The following PTDSS1 variants were observed in gnomAD, a reference collection of about 807,000 sequenced individuals.
The protein encoded by PTDSS1 is phosphatidylserine synthase 1, also known as PSS-1.
A neutral mutation model predicts 70.5 loss-of-function variants in PTDSS1; 45 were observed. The ratio of observed to expected loss-of-function variants is 0.64; its 90% CI spans 0.50 to 0.82. PTDSS1 has a LOEUF of 0.82. Ranked by LOEUF, PTDSS1 falls within the 40% of genes least tolerant of loss-of-function variation. The pLI is 0.00. For synonymous variants in PTDSS1, 188 were observed against 203.8 expected, an observed-to-expected ratio of 0.92 and a Z score of 0.66; for missense variants, 417 against 586.1, an observed-to-expected ratio of 0.71 and a Z score of 2.98.
At chr8:96,293,965 T>G (rs1810942202) in intron 4 of PTDSS1, among the ~76,000 whole-genome samples, 1 of 152,174 alleles carries the variant, frequency 6.6e-6, no homozygotes, top group Non-Finnish European at 1.5e-5. Context: ...TGTTCCAGAG[T>G]CCGGGAAGAA....
intron 1 of PTDSS1, among the ~76,000 whole-genome samples, chr8:96,269,374 T>C (rs900555743): frequency 5.3e-5 from 8 of 152,212 alleles, no homozygotes; most frequent in African/African-American, 1.9e-4. Flanking sequence ...TGAAAGTTCT[T>C]TGGAGTGTTC....
chr8:96,262,104 C>T lies in PTDSS1; in HGVS notation c.64C>T (p.Arg22Trp). Residue 22 changes from arginine to tryptophan, a missense_variant, in exon 1 of 13, where the codon CGG (arginine) becomes TGG (tryptophan). Coordinates refer to ENST00000517309, the MANE Select transcript of PTDSS1 (RefSeq NM_014754.3). The surrounding 1 kb of genome is among the most constrained non-coding windows in gnomAD (Gnocchi z 4.4). Reference sequence around the variant, plus strand: ...TGATGTGAACTACAAAATGCATTTCCGGATGATCAACGAGCAGCAAGTGGA... The same window carrying T: ...TGATGTGAACTACAAAATGCATTTCTGGATGATCAACGAGCAGCAAGTGGA... ...KDDVNYKMHF[R>W]MINEQQVEDI... 1 of 1,613,914 alleles carries T rather than the reference C, an allele frequency of 6.2e-7. No individual in the cohort carries two copies. Among genetic ancestry groups the T allele is most frequent in the Non-Finnish European group, 8.5e-7 (1 of 1,179,832 alleles).
chr8:96,300,890 TTAGAAA>T (rs950430244), intron 6 of PTDSS1, among the ~76,000 whole-genome samples: 24 of 152,320 alleles, frequency 1.6e-4, no homozygotes, highest in African/African-American at 4.3e-4. Flanking sequence ...AAATAAATTC[TTAGAAA>T]TAGAGTGTAC....
At position 96,336,443 on chromosome 8, in the gene PTDSS1, GA is replaced by G. The variant is rs1254721359; in HGVS notation, c.*2878del. 1 of 151,932 alleles carries G rather than the reference GA, an allele frequency of 6.6e-6. No individual in the cohort carries two copies. The highest frequency in any genetic ancestry group is 1.9e-4 in the East Asian group (1 of 5,176). The allele number at this position is 151,932 out of a possible 1,614,324, so 9.4% of individuals were successfully genotyped here. A position where few individuals can be genotyped will look rare whatever the true frequency, so the allele number is the denominator to read the frequency against. On this transcript the variant is annotated 3_prime_UTR_variant, in exon 13 of 13. Transcript: ENST00000517309. The stretch of plus-strand genomic sequence containing the variant: ...GTGGAGGAGGTTGGACACAGAAGGG[GA>G]GGCTAAACACAAGGTGGGGAAGAAA...
rs1420032619 is a variant in PTDSS1, at chr8:96,295,026, T to C, written c.442-72T>C. On this transcript the variant is annotated intron_variant, in intron 4 of 12. Coordinates refer to ENST00000517309, the MANE Select transcript of PTDSS1 (RefSeq NM_014754.3). ...TCAAGTTCATATCTATTCTTTTTATTTACCGGCAGAATCCTGGAAGCAAGT... is the reference window on the plus strand; with the variant it reads ...TCAAGTTCATATCTATTCTTTTTATCTACCGGCAGAATCCTGGAAGCAAGT... The C allele has an allele frequency of 1.8e-5, 26 of 1,412,582 alleles. 1 individual carries two copies. Among genetic ancestry groups the C allele is most frequent in the Non-Finnish European group, 2.4e-5 (25 of 1,040,142 alleles). 87.5% of individuals were successfully genotyped at this position (1,412,582 alleles called of 1,614,324 possible).
chr8:96,300,258 G>T (rs10955070), intron 6 of PTDSS1, among the ~76,000 whole-genome samples: 1 of 151,826 alleles, frequency 6.6e-6, no homozygotes, highest in African/African-American at 2.4e-5. Context: ...TCATGTCATT[G>T]CCCTGTGATG....
At chr8:96,267,682 T>C (rs904712549) in intron 1 of PTDSS1, among the ~76,000 whole-genome samples, 1 of 152,244 alleles carries the variant, frequency 6.6e-6, no homozygotes, top group Non-Finnish European at 1.5e-5. Context: ...GACATCGGTA[T>C]TTCAGTAGAT....
At chr8:96,288,668 C>T (rs1211316579) in intron 4 of PTDSS1, among the ~76,000 whole-genome samples, 2 of 121,870 alleles carry the variant, frequency 1.6e-5, no homozygotes, top group African/African-American at 3.3e-5. Context: ...CTCACTCTGT[C>T]GCCCAGGCTG....
At chr8:96,279,776 GC>G (rs2130031825) in intron 2 of PTDSS1, among the ~76,000 whole-genome samples, 1 of 151,968 alleles carries the variant, frequency 6.6e-6, no homozygotes, top group African/African-American at 2.4e-5. Flanking sequence ...CCGAGATTGC[GC>G]CACTGCACTA....
chr8:96,305,316 T>C lies in PTDSS1; in HGVS notation c.895-1128T>C, dbSNP rs574999648. Among the ~76,000 whole-genome samples the C allele has an allele frequency of 3.3e-5, 5 of 152,342 alleles. No homozygotes were observed. In the East Asian group the frequency reaches 5.8e-4, roughly 18 times the overall value. ...TAATTAGACTATTTTTTATTTTGTG[T>C]CCTTGAAGTCAGTGCTATGGGAAAA... On this transcript the variant is annotated intron_variant, in intron 7 of 12. Transcript: ENST00000517309.
intron 10 of PTDSS1, among the ~76,000 whole-genome samples, chr8:96,323,296 A>G (rs1299760168): frequency 1.3e-5 from 2 of 152,022 alleles, no homozygotes; most frequent in African/African-American, 4.8e-5. Context: ...GGTGGCTCCA[A>G]CCCCACATTT....
intron 6 of PTDSS1, among the ~76,000 whole-genome samples, chr8:96,302,694 G>A (rs1811067386): frequency 6.6e-6 from 1 of 152,038 alleles, no homozygotes; most frequent in South Asian, 2.1e-4. Context: ...TGATTCTCCT[G>A]CCTCAGCCTC....
At chr8:96,277,763 G>A (rs1275893650) in intron 2 of PTDSS1, among the ~76,000 whole-genome samples, 2 of 152,138 alleles carry the variant, frequency 1.3e-5, no homozygotes, top group African/African-American at 4.8e-5. Flanking sequence ...TAGTAGACTT[G>A]GTCAACTTCT....
intron 2 of PTDSS1, chr8:96,283,715 G>T (rs1387802751): frequency 5.4e-6 from 1 of 184,414 alleles, no homozygotes; most frequent in African/African-American, 2.4e-5. Context: ...GCTGTCCAGA[G>T]CCTCTTTCCC....
chr8:96,280,367 C>T (rs2130033859), intron 2 of PTDSS1, among the ~76,000 whole-genome samples: 1 of 152,136 alleles, frequency 6.6e-6, no homozygotes, highest in Non-Finnish European at 1.5e-5. Flanking sequence ...ACTAAAAATA[C>T]AAGAATTAGC....
At chr8:96,273,224 A>G (rs1810591200) in intron 1 of PTDSS1, 75 bp from the exon 2 acceptor site, 20 of 1,084,988 alleles carry the variant, frequency 1.8e-5, no homozygotes, top group Non-Finnish European at 2.4e-5. Context: ...TTTTTAGAAC[A>G]TGGAAATCTT....
Position 96,335,112 on chromosome 8 carries a change from G to C in PTDSS1, c.*1546G>C, listed in dbSNP as rs1393306103. On this transcript the variant is annotated 3_prime_UTR_variant, in exon 13 of 13. Transcript: ENST00000517309. ...TGGCAGCTCCGCTCACTTGGTGAGT[G>C]AGGGATTTGGCTGTGATGAGCCTCA... 2 of 152,218 alleles carry C rather than the reference G, an allele frequency of 1.3e-5. No individual in the cohort carries two copies. The highest frequency in any genetic ancestry group is 4.8e-5 in the African/African-American group (2 of 41,458). The allele number at this position is 152,218 out of a possible 1,614,324, so 9.4% of individuals were successfully genotyped here.
intron 9 of PTDSS1, among the ~76,000 whole-genome samples, chr8:96,318,928 T>G (rs1811334578): frequency 1.6e-5 from 2 of 121,940 alleles, no homozygotes; most frequent in South Asian, 2.5e-4. Flanking sequence ...TTTTTTTTTT[T>G]GAGGCAGAGC....
intron 4 of PTDSS1, 168 bp downstream of exon 4, chr8:96,287,314 T>C (rs924256098): frequency 3.4e-6 from 3 of 870,742 alleles, no homozygotes; most frequent in Non-Finnish European, 5.2e-6. Flanking sequence ...CCACAGGTGA[T>C]AGAGTTCAGG....
Sources: gnomAD v4.1 joint callset for allele counts (sites outside exome capture counted in the v4.1 genomes callset) on GRCh38, gnomAD v4.1.1 for gene constraint, Gnocchi (gnomAD v3.1) non-coding constraint, MANE v1.5 for transcripts, NCBI Gene and HGNC (gene_info 2026-07-23, HGNC 2026-07-21) for gene names.